The following SAMD5 variants were observed in gnomAD, a reference collection of about 807,000 sequenced individuals.
SAMD5 encodes the protein sterile alpha motif domain containing 5, also known as sterile alpha motif domain-containing protein 5.
In SAMD5, 13 loss-of-function variants were observed where a neutral mutation model predicts 11.3. The ratio of observed to expected loss-of-function variants is 1.15; its 90% confidence interval spans 0.75 to 1.83. The LOEUF is 1.83. Ranked by LOEUF, SAMD5 falls within the 40% of genes most tolerant of loss-of-function variation. The probability of loss-of-function intolerance (pLI) is 0.00; values close to 1 mark genes in which losing one functional copy is unlikely to be tolerated. For missense variants in SAMD5, 255 were observed against 239.1 expected (o/e 1.07, Z -0.44); for synonymous variants, 129 against 111.3 (o/e 1.16, Z -1.00).
chr6:147,801,216 A>G, the SAMD5 span, among the ~76,000 whole-genome samples: 3 of 152,192 alleles, frequency 2.0e-5, no homozygotes, highest in Non-Finnish European at 4.4e-5. Flanking sequence ...TCCAGGTCAG[A>G]GAAATGGTTT....
chr6:147,871,584 C>T, the SAMD5 span, among the ~76,000 whole-genome samples: 14 of 152,184 alleles, frequency 9.2e-5, no homozygotes, highest in South Asian at 2.1e-4. Context: ...ATTTGTCCTT[C>T]TCTTCACTTT....
chr6:147,656,756 G>A (rs1196860495), intron 1 of SAMD5, among the ~76,000 whole-genome samples: 1 of 152,134 alleles, frequency 6.6e-6, no homozygotes, highest in African/African-American at 2.4e-5. Context: ...CTCCTACACT[G>A]CTGGTGGGAA....
At chr6:147,905,365 A>G in the SAMD5 span, among the ~76,000 whole-genome samples, 2 of 151,586 alleles carry the variant, frequency 1.3e-5, no homozygotes, top group South Asian at 4.2e-4. Context: ...TATTTATAGT[A>G]GAAACAGGAT....
intron 1 of SAMD5, among the ~76,000 whole-genome samples, chr6:147,532,815 G>A (rs752601203): frequency 5.9e-5 from 9 of 152,056 alleles, no homozygotes; most frequent in Non-Finnish European, 1.2e-4. Flanking sequence ...CTATCAGTAC[G>A]GTTTATAACA....
intron 1 of SAMD5, among the ~76,000 whole-genome samples, chr6:147,509,989 C>T (rs1788062801): frequency 6.6e-6 from 1 of 152,162 alleles, no homozygotes; most frequent in Non-Finnish European, 1.5e-5. Context: ...GAGATGATTT[C>T]CTAAACTTGT....
chr6:147,867,763 G>T, the SAMD5 span, among the ~76,000 whole-genome samples: 4 of 152,160 alleles, frequency 2.6e-5, no homozygotes, highest in African/African-American at 4.8e-5. Flanking sequence ...CCTCAGTATT[G>T]TACTTCCATC....
chr6:147,688,232 G>C (rs1403421124), intron 1 of SAMD5, among the ~76,000 whole-genome samples: 1 of 151,750 alleles, frequency 6.6e-6, no homozygotes, highest in Non-Finnish European at 1.5e-5. Flanking sequence ...TTTTATATAT[G>C]ATATCTAAAA....
chr6:147,695,118 C>T (rs547946295), intron 1 of SAMD5, among the ~76,000 whole-genome samples: 3 of 152,210 alleles, frequency 2.0e-5, no homozygotes, highest in East Asian at 1.9e-4. Context: ...AAAGTCACAG[C>T]GTATCTGTCC....
intron 1 of SAMD5, among the ~76,000 whole-genome samples, chr6:147,648,306 C>T (rs1403250542): frequency 6.6e-6 from 1 of 152,130 alleles, no homozygotes; most frequent in Admixed American, 6.5e-5. Flanking sequence ...GGAGGAACTA[C>T]CAAACACTTA....
chr6:147,577,898 G>A (rs555839696), intron 1 of SAMD5, among the ~76,000 whole-genome samples: 1 of 152,138 alleles, frequency 6.6e-6, no homozygotes, highest in African/African-American at 2.4e-5. Context: ...ACAAACCATA[G>A]CATAACCTAA....
At chr6:147,837,626 T>C in the SAMD5 span, among the ~76,000 whole-genome samples, 4 of 152,156 alleles carry the variant, frequency 2.6e-5, no homozygotes, top group Non-Finnish European at 5.9e-5. Flanking sequence ...GCTGACTCTG[T>C]GGAAGTCAAA....
At chr6:147,720,016 C>T (rs1459527845) in intron 1 of SAMD5, among the ~76,000 whole-genome samples, 2 of 152,196 alleles carry the variant, frequency 1.3e-5, no homozygotes, top group African/African-American at 4.8e-5. Flanking sequence ...GTCTTCATTG[C>T]TCTGGCTGTG....
At chr6:147,821,278 G>T in the SAMD5 span, among the ~76,000 whole-genome samples, 1 of 152,246 alleles carries the variant, frequency 6.6e-6, no homozygotes, top group East Asian at 1.9e-4. Flanking sequence ...GTGATATAAA[G>T]GTGCTTTTTG....
chr6:147,850,816 C>A, the SAMD5 span, among the ~76,000 whole-genome samples: 1 of 151,744 alleles, frequency 6.6e-6, no homozygotes, highest in African/African-American at 2.4e-5. Context: ...CATTTAGTCA[C>A]CGAGTAGCAG....
At chr6:147,518,898 A>G (rs967069061) in intron 1 of SAMD5, among the ~76,000 whole-genome samples, 8 of 152,250 alleles carry the variant, frequency 5.3e-5, no homozygotes, top group African/African-American at 1.9e-4. Flanking sequence ...TTCAGTCAAT[A>G]TAAAAACTAC....
At chr6:147,829,601 T>C in the SAMD5 span, among the ~76,000 whole-genome samples, 1 of 152,164 alleles carries the variant, frequency 6.6e-6, no homozygotes, top group Non-Finnish European at 1.5e-5. Flanking sequence ...ACGTGAATAT[T>C]ACATGCATTT....
the SAMD5 span, among the ~76,000 whole-genome samples, chr6:147,795,662 A>C: frequency 2.7e-5 from 4 of 150,602 alleles, no homozygotes; most frequent in Non-Finnish European, 5.9e-5. Context: ...CAATGGTTGA[A>C]CTAGTTTACA....
intron 1 of SAMD5, among the ~76,000 whole-genome samples, chr6:147,691,265 G>T (rs575483942): frequency 3.9e-5 from 6 of 152,122 alleles, no homozygotes; most frequent in Non-Finnish European, 7.4e-5. Context: ...AAGTGCTGGG[G>T]TTACAGGCGT....
At chr6:147,599,262 G>C (rs1237031672) in intron 1 of SAMD5, among the ~76,000 whole-genome samples, 1 of 152,168 alleles carries the variant, frequency 6.6e-6, no homozygotes, top group Non-Finnish European at 1.5e-5. Flanking sequence ...TGACTCTAAA[G>C]GCAAGAAGGC....
Sources: allele counts gnomAD v4.1 joint callset (sites outside exome capture counted in the v4.1 genomes callset), GRCh38; gene constraint gnomAD v4.1.1; transcripts MANE v1.5; gene names NCBI Gene and HGNC (gene_info 2026-07-23, HGNC 2026-07-21).